The following PRKG1 variants were observed in gnomAD, a reference collection of about 807,000 sequenced individuals.
The protein encoded by PRKG1 is protein kinase cGMP-dependent 1, also known as cGMP-dependent protein kinase 1.
PRKG1 carries 35 observed loss-of-function variants against 88.1 expected under a neutral mutation model. The ratio of observed to expected loss-of-function variants is 0.40; its 90% CI spans 0.30 to 0.53. The LOEUF (loss-of-function observed/expected upper bound fraction) is 0.53, where lower values mean the gene tolerates loss of function less well. Ranked by LOEUF, PRKG1 falls within the 20% of genes least tolerant of loss-of-function variation. PRKG1 has a pLI of 0.59. For missense variants in PRKG1, 540 were observed against 839.8 expected (o/e 0.64, Z 4.41); for synonymous variants, 303 against 292.5 (o/e 1.04, Z -0.37).
chr10:51,602,455 T>C (rs555422078), intron 3 of PRKG1, among the ~76,000 whole-genome samples: 45 of 152,282 alleles, frequency 3.0e-4, no homozygotes, highest in African/African-American at 1.1e-3. Context: ...TTCTCTTTCC[T>C]TATTTATTGA....
chr10:51,100,785 T>A (rs558822674), intron 1 of PRKG1, among the ~76,000 whole-genome samples: 1 of 152,248 alleles, frequency 6.6e-6, no homozygotes, highest in Admixed American at 6.5e-5. Flanking sequence ...TAAAGGAAGA[T>A]GGAGAAAATA....
At chr10:52,175,596 G>C (rs538928202) in intron 9 of PRKG1, among the ~76,000 whole-genome samples, 30 of 152,030 alleles carry the variant, frequency 2.0e-4, no homozygotes, top group Admixed American at 1.5e-3. Flanking sequence ...GGATATTCTA[G>C]TTTACATTCC....
intron 3 of PRKG1, among the ~76,000 whole-genome samples, chr10:51,716,719 C>T (rs750584012): frequency 1.3e-5 from 2 of 152,286 alleles, no homozygotes; most frequent in Non-Finnish European, 2.9e-5. Flanking sequence ...GATGGAGTCT[C>T]GCTCTGTCTG....
chr10:52,027,081 C>T (rs1845360149), intron 5 of PRKG1, among the ~76,000 whole-genome samples: 1 of 152,184 alleles, frequency 6.6e-6, no homozygotes, highest in Admixed American at 6.5e-5. Context: ...TAAGAGAAGA[C>T]ATGTAACCTA....
intron 5 of PRKG1, among the ~76,000 whole-genome samples, chr10:52,037,690 G>T (rs956840605): frequency 6.6e-6 from 1 of 152,184 alleles, no homozygotes; most frequent in Non-Finnish European, 1.5e-5. Flanking sequence ...GCAGGAGGGG[G>T]AGGGCTAGTC....
In PRKG1 at chr10:52,295,115, A is replaced by G; in HGVS notation, c.*1215A>G. 1 of 152,368 alleles carries G rather than the reference A, an allele frequency of 6.6e-6. No homozygotes were observed. The allele number at this position is 152,368 out of a possible 1,614,324, so 9.4% of individuals were successfully genotyped here. A position where few individuals can be genotyped will look rare whatever the true frequency, so the allele number is the denominator to read the frequency against. ...ACAAACAAACAAAAAACAAGAATGA[A>G]AAACAGAAATAAAAGAAGTAGAAAA... is the stretch of plus-strand genomic sequence containing the variant. On this transcript the variant is annotated 3_prime_UTR_variant, in exon 18 of 18. Coordinates refer to ENST00000373980, the MANE Select transcript of PRKG1 (RefSeq NM_006258.4).
intron 3 of PRKG1, among the ~76,000 whole-genome samples, chr10:51,677,671 A>G (rs946067675): frequency 2.6e-5 from 4 of 152,210 alleles, no homozygotes; most frequent in African/African-American, 9.6e-5. Context: ...CTATGATTAG[A>G]GTCAGTTGCC....
intron 5 of PRKG1, among the ~76,000 whole-genome samples, chr10:52,033,804 A>C (rs1845531141): frequency 6.6e-6 from 1 of 152,176 alleles, no homozygotes. Flanking sequence ...TTGTGTGAGC[A>C]ACATGGCTGT....
chr10:51,526,937 G>A (rs1841898942), intron 3 of PRKG1, among the ~76,000 whole-genome samples: 1 of 152,068 alleles, frequency 6.6e-6, no homozygotes, highest in Non-Finnish European at 1.5e-5. Context: ...CCAGGAGTTG[G>A]CAAACTTTTG....
intron 10 of PRKG1, among the ~76,000 whole-genome samples, chr10:52,260,947 C>T (rs184141748): frequency 7.5e-4 from 114 of 151,926 alleles, no homozygotes; most frequent in Middle Eastern, 3.4e-3. Context: ...CAAGTAACTT[C>T]TAGAAAATTG....
intron 2 of PRKG1, among the ~76,000 whole-genome samples, chr10:51,325,491 G>T (rs1375295627): frequency 2.0e-5 from 3 of 152,172 alleles, no homozygotes; most frequent in African/African-American, 7.2e-5. Context: ...TAGCCACCGT[G>T]CCTGGCTCTT....
chr10:52,109,117 C>T (rs1350272487), intron 7 of PRKG1, among the ~76,000 whole-genome samples: 6 of 152,236 alleles, frequency 3.9e-5, no homozygotes, highest in Admixed American at 6.5e-5. Flanking sequence ...TGAGCCACTG[C>T]GCCAGGCCTT....
intron 9 of PRKG1, among the ~76,000 whole-genome samples, chr10:52,193,020 T>G (rs1839405912): frequency 6.6e-6 from 1 of 152,160 alleles, no homozygotes; most frequent in Non-Finnish European, 1.5e-5. Flanking sequence ...ATATTTTTAG[T>G]TGGCAGGAAG....
chr10:51,523,584 T>A (rs1461614527), intron 3 of PRKG1, among the ~76,000 whole-genome samples: 1 of 152,160 alleles, frequency 6.6e-6, no homozygotes, highest in Non-Finnish European at 1.5e-5. Flanking sequence ...CTAGAAAGGA[T>A]CATGGTGACA....
At chr10:52,255,723 G>A (rs1321559453) in intron 10 of PRKG1, among the ~76,000 whole-genome samples, 2 of 151,992 alleles carry the variant, frequency 1.3e-5, no homozygotes, top group Admixed American at 1.3e-4. Flanking sequence ...GTGTGTGGAG[G>A]AACAAGACGT....
At chr10:51,325,545 T>C (rs1328999388) in intron 2 of PRKG1, among the ~76,000 whole-genome samples, 2 of 152,230 alleles carry the variant, frequency 1.3e-5, no homozygotes, top group Admixed American at 6.5e-5. Context: ...AGTTTACAAA[T>C]ATATTCTTCG....
chr10:52,288,022 A>G (rs965497918), intron 14 of PRKG1, among the ~76,000 whole-genome samples: 4 of 152,188 alleles, frequency 2.6e-5, no homozygotes, highest in Non-Finnish European at 5.9e-5. Context: ...TAAGGGTGCT[A>G]TAAAAGTGTA....
chr10:51,437,172 A>G (rs1436216241), intron 2 of PRKG1, among the ~76,000 whole-genome samples: 1 of 152,028 alleles, frequency 6.6e-6, no homozygotes, highest in Non-Finnish European at 1.5e-5. Context: ...AAATTAATGT[A>G]GTAGTGTGAT....
At chr10:51,482,544 G>C (rs1366172698) in intron 3 of PRKG1, among the ~76,000 whole-genome samples, 2 of 152,090 alleles carry the variant, frequency 1.3e-5, no homozygotes, top group African/African-American at 4.8e-5. Flanking sequence ...GGTAACAATG[G>C]CTTCTAGTCT....
Sources: gnomAD v4.1 joint callset for allele counts (sites outside exome capture counted in the v4.1 genomes callset) on GRCh38, gnomAD v4.1.1 for gene constraint, MANE v1.5 for transcripts, NCBI Gene and HGNC (gene_info 2026-07-23, HGNC 2026-07-21) for gene names.